Variants in NPRL3 observed in about 807,000 individuals in gnomAD.
NPRL3 encodes GATOR1 complex protein NPRL3.
A neutral mutation model predicts 57.2 loss-of-function variants in NPRL3; 23 were observed. That is an observed-to-expected ratio of 0.40 (90% confidence interval 0.29 to 0.57). NPRL3 has a LOEUF of 0.57. Among genes scored for constraint, NPRL3 ranks in the 20% least tolerant of loss-of-function variants. The pLI is 0.42. For synonymous variants in NPRL3, 333 were observed against 321.1 expected, an observed-to-expected ratio of 1.04 and a Z score of -0.39; for missense variants, 691 against 767.1, an observed-to-expected ratio of 0.90 and a Z score of 1.17.
At chr16:119,002 A>C (rs9924290) in intron 4 of NPRL3, 124 bp downstream of exon 4, 1 of 1,404,048 alleles carries the variant, frequency 7.1e-7, no homozygotes. Context: ...AAGGAGAGCC[A>C]CACCTGCCCA....
chr16:88,371 G>A (rs1013174490), intron 13 of NPRL3, among the ~76,000 whole-genome samples: 1 of 138,372 alleles, frequency 7.2e-6, no homozygotes, highest in Non-Finnish European at 1.5e-5. Flanking sequence ...CTGGGTGACA[G>A]AGCGAGACTC....
intron 12 of NPRL3, 21 bp downstream of exon 12, chr16:89,692 G>A: frequency 6.5e-7 from 1 of 1,537,132 alleles, no homozygotes; most frequent in Non-Finnish European, 8.7e-7. Context: ...GACTACCACA[G>A]CGGTGCCCTG....
chr16:137,566 T>C (rs1433737338), intron 2 of NPRL3, among the ~76,000 whole-genome samples: 6 of 148,938 alleles, frequency 4.0e-5, no homozygotes, highest in Admixed American at 1.3e-4. Context: ...TTTTTTTTTT[T>C]TGAGACGGAG....
At chr16:110,668 C>T in intron 6 of NPRL3, 62 bp from the exon 7 acceptor site, 1 of 1,420,892 alleles carries the variant, frequency 7.0e-7, no homozygotes, top group Non-Finnish European at 9.8e-7. Flanking sequence ...CTGCCTCAGC[C>T]TTCCAAGTAG....
chr16:92,488 A>G (rs1055789954), intron 11 of NPRL3, 108 bp downstream of exon 11: 2 of 1,369,074 alleles, frequency 1.5e-6, no homozygotes, highest in South Asian at 2.6e-5. Flanking sequence ...ACCAAGGAGA[A>G]GCAGGTGGCA....
chr16:91,088 A>T (rs1257239547), intron 11 of NPRL3: 1 of 150,780 alleles, frequency 6.6e-6, no homozygotes, highest in East Asian at 1.9e-4. Flanking sequence ...TCAAAACAAT[A>T]AAAAAAAAGC....
chr16:106,629 T>TAA (rs763058746), intron 7 of NPRL3, among the ~76,000 whole-genome samples: 1,011 of 60,124 alleles, frequency 0.017, 54 homozygotes, highest in South Asian at 0.058. Context: ...TGCCTTAAAT[T>TAA]AAAAAAAAAA....
At chr16:134,694 ATTTTTTT>A (rs34425237) in intron 2 of NPRL3, among the ~76,000 whole-genome samples, 2 of 103,426 alleles carry the variant, frequency 1.9e-5, no homozygotes. Flanking sequence ...AATTATTATT[ATTTTTTT>A]TTTTTTTTTT....
chr16:137,494 G>A (rs1053556971), intron 2 of NPRL3, among the ~76,000 whole-genome samples: 5 of 152,028 alleles, frequency 3.3e-5, no homozygotes, highest in Non-Finnish European at 7.4e-5. Flanking sequence ...GGCCAGGGGT[G>A]ATCCCTGTGC....
intron 3 of NPRL3, among the ~76,000 whole-genome samples, chr16:128,243 C>T (rs1290073631): frequency 4.6e-5 from 7 of 152,274 alleles, no homozygotes; most frequent in Admixed American, 3.3e-4. Flanking sequence ...CCTGGGACTC[C>T]CAAAGTGCTT....
At chr16:96,380 C>G (rs1899006229) in intron 9 of NPRL3, among the ~76,000 whole-genome samples, 1 of 152,138 alleles carries the variant, frequency 6.6e-6, no homozygotes. Flanking sequence ...CGGTGCTCAT[C>G]AGGACACGGA....
intron 13 of NPRL3, 144 bp downstream of exon 13, chr16:88,554 A>T: frequency 1.3e-6 from 1 of 769,844 alleles, no homozygotes; most frequent in Non-Finnish European, 2.1e-6. Flanking sequence ...ACCTGCCCCT[A>T]CACACCTGAA....
At chr16:100,705 C>G (rs534704459) in intron 7 of NPRL3, among the ~76,000 whole-genome samples, 196 bp from the exon 8 acceptor site, 3 of 126,152 alleles carry the variant, frequency 2.4e-5, no homozygotes, top group East Asian at 4.2e-4. Context: ...CACGGTGGCT[C>G]ATGCCTGTAA....
intron 12 of NPRL3, chr16:89,255 C>T (rs1898649737): frequency 3.4e-6 from 1 of 291,336 alleles, no homozygotes; most frequent in Non-Finnish European, 6.4e-6. Flanking sequence ...ACAGCCAGAC[C>T]TCAGCCAAGG....
chr16:111,078 A>G (rs1899787840), intron 6 of NPRL3, among the ~76,000 whole-genome samples: 1 of 152,204 alleles, frequency 6.6e-6, no homozygotes, highest in South Asian at 2.1e-4. Context: ...ATTAGTATAT[A>G]ATTGGCCAAA....
At chr16:97,189 C>T (rs1296941150) in intron 9 of NPRL3, among the ~76,000 whole-genome samples, 2 of 152,138 alleles carry the variant, frequency 1.3e-5, no homozygotes, top group African/African-American at 4.8e-5. Context: ...ACATGACTAG[C>T]AGCCACAGCT....
intron 4 of NPRL3, 126 bp from the exon 5 acceptor site, chr16:117,501 A>T: frequency 1.5e-6 from 1 of 650,180 alleles, no homozygotes; most frequent in Non-Finnish European, 2.7e-6. Context: ...AAAGCAATGA[A>T]TGCCTTTGCT....
intron 6 of NPRL3, 111 bp downstream of exon 6, chr16:112,511 G>A (rs949041811): frequency 1.8e-5 from 20 of 1,120,272 alleles, no homozygotes; most frequent in Middle Eastern, 3.2e-4. Context: ...GTGAGGCCCC[G>A]CCAACATCTG....
intron 5 of NPRL3, among the ~76,000 whole-genome samples, chr16:114,163 C>T (rs375074217): frequency 1.3e-5 from 2 of 152,166 alleles, no homozygotes; most frequent in Non-Finnish European, 2.9e-5. Flanking sequence ...TCAGCTGAGG[C>T]ACAACAGTGT....
Sources: allele counts gnomAD v4.1 joint callset (sites outside exome capture counted in the v4.1 genomes callset), GRCh38; gene constraint gnomAD v4.1.1; transcripts MANE v1.5; gene names NCBI Gene and HGNC (gene_info 2026-07-23, HGNC 2026-07-21).